The following SCAP variants were observed in gnomAD, a reference collection of about 807,000 sequenced individuals.
The protein encoded by SCAP is sterol regulatory element-binding protein cleavage-activating protein.
SCAP carries 65 observed loss-of-function variants against 123.6 expected under a neutral mutation model. That is an observed-to-expected ratio of 0.53 (90% confidence interval 0.43 to 0.65). The LOEUF is 0.65. SCAP is among the 30% of genes least tolerant of loss of function. SCAP has a pLI of 0.00. For synonymous variants in SCAP, 740 were observed against 726.3 expected (o/e 1.02, Z -0.30); for missense variants, 1,398 against 1,712.5 (o/e 0.82, Z 3.24).
intron 1 of SCAP, among the ~76,000 whole-genome samples, chr3:47,458,837 C>T (rs1016489187): frequency 1.3e-5 from 2 of 152,218 alleles, no homozygotes; most frequent in Admixed American, 6.5e-5. Flanking sequence ...CAGAGTTTTG[C>T]TCTTGTTGCC....
rs1705436260 is a variant in SCAP, at chr3:47,413,991, T to A, written c.3703A>T (p.Thr1235Ser). ...WDLNYGDLLQ[T>S]VYLGKNSEAQ... ...TCACTGTTCTTCCCCAGGTAGACTGTCTGTAACAGGTCCCCGTAGTTTAGG... is the reference window on the plus strand; with the variant it reads ...TCACTGTTCTTCCCCAGGTAGACTGACTGTAACAGGTCCCCGTAGTTTAGG... Residue 1235 changes from threonine to serine, a missense_variant, in exon 23 of 23, where the codon ACA (threonine) becomes TCA (serine). This residue lies in a region of SCAP where 130 missense variants were observed against 166.7 expected (regional missense o/e 0.78). Coordinates refer to ENST00000265565, the MANE Select transcript of SCAP (RefSeq NM_012235.4). 1.9e-6 allele frequency: 3 copies of A among 1,613,204 alleles called. No individual in the cohort carries two copies. The highest frequency in any genetic ancestry group is 2.5e-6 in the Non-Finnish European group (3 of 1,179,978).
intron 6 of SCAP, 73 bp from the exon 7 acceptor site, chr3:47,426,242 A>G: frequency 6.8e-7 from 1 of 1,476,952 alleles, no homozygotes; most frequent in Non-Finnish European, 9.1e-7. Context: ...ATCCCCGGAC[A>G]GAGGGTCCAT....
Position 47,418,328 on chromosome 3 carries a change from T to C in SCAP, c.2324A>G (p.His775Arg). The C allele has an allele frequency of 1.3e-6, 2 of 1,561,766 alleles. No individual in the cohort carries two copies. The highest frequency in any genetic ancestry group is 1.7e-6 in the Non-Finnish European group (2 of 1,154,034). The change falls in exon 15 of 23, where the codon CAC becomes CGC. Residue 775 changes from histidine to arginine, a missense_variant. His to Arg is a conservative substitution (Grantham distance 29, BLOSUM62 0). Coordinates refer to ENST00000265565, the MANE Select transcript of SCAP (RefSeq NM_012235.4). ...TEIVPLVLRG[H>R]LMDIECLASD... ...CACTGTGCCCCTGCTCACCATGAGG[T>C]GGCCGCGCAGCACAAGCGGCACGAT...
At chr3:47,437,917 T>C (rs1202069534) in intron 2 of SCAP, among the ~76,000 whole-genome samples, 2 of 152,190 alleles carry the variant, frequency 1.3e-5, no homozygotes, top group African/African-American at 2.4e-5. Flanking sequence ...TTGAGCTTAG[T>C]AGATGATACC....
intron 3 of SCAP, among the ~76,000 whole-genome samples, chr3:47,432,482 T>G (rs552605844): frequency 1.3e-5 from 2 of 152,054 alleles, no homozygotes; most frequent in African/African-American, 2.4e-5. Flanking sequence ...CCAAACAGTA[T>G]AGGATCTCCT....
chr3:47,476,567 A>G (rs1261857109), upstream of SCAP, among the ~76,000 whole-genome samples: 1 of 152,246 alleles, frequency 6.6e-6, no homozygotes. Context: ...TAAAAGCATA[A>G]GTTGACATTT....
chr3:47,414,788 C>A (rs753992550), intron 20 of SCAP, 39 bp downstream of exon 20: 5 of 1,597,322 alleles, frequency 3.1e-6, no homozygotes, highest in Non-Finnish European at 4.3e-6. Flanking sequence ...CACCCCGTGC[C>A]GGGCCACTCC....
chr3:47,415,443 C>T (rs1253047088), intron 18 of SCAP, among the ~76,000 whole-genome samples: 3 of 152,104 alleles, frequency 2.0e-5, no homozygotes, highest in African/African-American at 7.2e-5. Flanking sequence ...AGTGAGCTAA[C>T]GTGTAAGGTG....
In SCAP at chr3:47,414,015, G is replaced by C. The variant is rs754193247; in HGVS notation, c.3679C>G (p.Leu1227Val). 1.9e-6 allele frequency: 3 copies of C among 1,613,310 alleles called. No individual in the cohort carries two copies. Among genetic ancestry groups the C allele is most frequent in the African/African-American group, 1.3e-5 (1 of 75,030 alleles). ...GTCTGTAACAGGTCCCCGTAGTTTA[G>C]GTCCCAAAAGGAGACACAGCCCTGG... The part of the protein sequence containing the change: ...GGQGCVSFWD[L>V]NYGDLLQTVY... The change falls in exon 23 of 23, where the codon CTA becomes GTA. Residue 1227 changes from leucine (L) to valine (V), a missense_variant. Physicochemically the swap from Leu to Val is conservative, Grantham distance 32. Transcript: ENST00000265565.
intron 17 of SCAP, 24 bp downstream of exon 17, chr3:47,417,280 C>G (rs550579891): frequency 6.2e-7 from 1 of 1,611,852 alleles, no homozygotes; most frequent in Non-Finnish European, 8.5e-7. Flanking sequence ...AGCCGCTCTG[C>G]CCACCTTTAG....
Position 47,420,092 on chromosome 3 carries a change from G to T in SCAP, c.1564-388C>A, listed in dbSNP as rs1284731410. 6.6e-6 allele frequency among the ~76,000 whole-genome samples: 1 copy of T among 152,200 alleles called. No homozygotes were observed. Among genetic ancestry groups the T allele is most frequent in the Non-Finnish European group, 1.5e-5 (1 of 68,034 alleles). ...GAGTCCCCCAGAGGTCCTAGTCCCA[G>T]GGGGCCTCAGCCTTCCTCCCATCTC... On this transcript the variant is annotated intron_variant, in intron 12 of 22. Transcript: ENST00000265565. The surrounding 1 kb of genome is among the most constrained non-coding windows in gnomAD (Gnocchi z 5.0).
At position 47,427,527 on chromosome 3, in the gene SCAP, C is replaced by T. The variant is rs370907919; in HGVS notation, c.551G>A (p.Arg184His). ...PGNFWQNDWE[R>H]FHADPDIIGT... ...AATGATGTCAGGATCAGCATGGAAG[C>T]GTTCCCAGTCATTCTGCCAGAAGTT... The change falls in exon 5 of 23, where the codon CGC becomes CAC. Residue 184 changes from arginine (R) to histidine (H), a missense_variant. This residue lies in a region of SCAP where 319 missense variants were observed against 432.4 expected (regional missense o/e 0.74). Transcript: ENST00000265565. The T allele has an allele frequency of 2.7e-5, 43 of 1,614,196 alleles. No homozygotes were observed. The highest frequency in any genetic ancestry group is 8.9e-5 in the East Asian group (4 of 44,882).
chr3:47,467,790 T>C (rs531414132), intron 1 of SCAP, among the ~76,000 whole-genome samples: 7 of 152,256 alleles, frequency 4.6e-5, no homozygotes, highest in Admixed American at 3.9e-4. Context: ...GTTTGTTACA[T>C]ATGCATACAT....
At chr3:47,417,093 C>A in intron 18 of SCAP, 29 bp downstream of exon 18, 2 of 1,602,082 alleles carry the variant, frequency 1.2e-6, no homozygotes, top group South Asian at 2.2e-5. Flanking sequence ...AGGCTGGGGA[C>A]ATCTGGGGCT....
intron 1 of SCAP, among the ~76,000 whole-genome samples, chr3:47,471,218 A>C (rs1478044077): frequency 6.6e-6 from 1 of 152,220 alleles, no homozygotes; most frequent in Admixed American, 6.5e-5. Flanking sequence ...GGGAAAGGCA[A>C]GGCTCAGAGG....
In SCAP at chr3:47,418,471, G is replaced by GAGCAGC; in HGVS notation, c.2175_2180dup (p.Leu726_Leu727dup). 1.9e-6 allele frequency: 3 copies of GAGCAGC among 1,600,422 alleles called. No homozygotes were observed. Among genetic ancestry groups the GAGCAGC allele is most frequent in the Non-Finnish European group, 2.6e-6 (3 of 1,175,594 alleles). ...GCGGGCATAGCACGCGGTAGAGGCA[G>GAGCAGC]AGCAGCAGCAGCACCAAGACGATGC... On this transcript the variant is annotated inframe_insertion, in exon 15 of 23. Coordinates refer to ENST00000265565, the MANE Select transcript of SCAP (RefSeq NM_012235.4).
chr3:47,415,586 G>A (rs149354257), intron 18 of SCAP, among the ~76,000 whole-genome samples: 1 of 152,174 alleles, frequency 6.6e-6, no homozygotes, highest in Non-Finnish European at 1.5e-5. Context: ...GCGGAAGCCT[G>A]CATTCTCCAC....
chr3:47,467,940 A>G (rs1243407077), intron 1 of SCAP, among the ~76,000 whole-genome samples: 2 of 147,402 alleles, frequency 1.4e-5, no homozygotes, highest in South Asian at 2.1e-4. Context: ...TCATTGTTCA[A>G]TTCCCACCTA....
intron 3 of SCAP, among the ~76,000 whole-genome samples, chr3:47,431,170 A>G (rs1422410108): frequency 3.0e-5 from 1 of 33,094 alleles, no homozygotes; most frequent in African/African-American, 8.1e-5. Context: ...CCAGAACAGA[A>G]GCTCACACAG....
Sources: gnomAD v4.1 joint callset for allele counts (sites outside exome capture counted in the v4.1 genomes callset) on GRCh38, gnomAD v4.1.1 for gene constraint, gnomAD v4.1.1 regional missense constraint, Gnocchi (gnomAD v3.1) non-coding constraint, MANE v1.5 for transcripts, NCBI Gene and HGNC (gene_info 2026-07-23, HGNC 2026-07-21) for gene names.